NAA35: variants seen among roughly 807,000 people sequenced by gnomAD.
NAA35 encodes MAK10 homolog, amino-acid N-acetyltransferase subunit.
NAA35 carries 18 observed loss-of-function variants against 101.7 expected under a neutral mutation model. That is an observed-to-expected ratio of 0.18 (90% CI 0.12 to 0.26). The LOEUF is 0.26. Ranked by LOEUF, NAA35 falls within the 10% of genes least tolerant of loss-of-function variation. The pLI is 1.00. For synonymous variants in NAA35, 267 were observed against 273.1 expected (o/e 0.98, Z 0.22); for missense variants, 601 against 886.8 (o/e 0.68, Z 4.09).
At chr9:86,020,836 A>G (rs1832504257) in intron 21 of NAA35, 53 bp from the exon 22 acceptor site, 1 of 1,439,750 alleles carries the variant, frequency 6.9e-7, no homozygotes, top group Admixed American at 1.8e-5. Flanking sequence ...AAAGAAAAAG[A>G]GAAATTTTGA....
rs1030915996 is a variant in NAA35 at position 85,957,491 on chromosome 9, C to T, written c.159-981C>T. ...CCTGGGAGAGCAAGAACTCACCTCC[C>T]TGGGAGGGCATTAATCTATTCATGG... is the stretch of plus-strand genomic sequence containing the variant. On this transcript the variant is annotated intron_variant, in intron 3 of 22. Transcript: ENST00000361671. Among the ~76,000 whole-genome samples, 7 of 152,132 alleles carry T rather than the reference C, an allele frequency of 4.6e-5. 1 individual carries two copies. Among genetic ancestry groups the T allele is most frequent in the Non-Finnish European group, 1.0e-4 (7 of 68,018 alleles).
intron 6 of NAA35, among the ~76,000 whole-genome samples, chr9:85,969,130 C>G (rs1829889000): frequency 6.6e-6 from 1 of 152,006 alleles, no homozygotes; most frequent in Non-Finnish European, 1.5e-5. Context: ...GTTCTCTGTT[C>G]TCCAGGAATT....
Position 85,976,755 on chromosome 9 carries a change from G to A in NAA35, c.678+20G>A, listed in dbSNP as rs1189800842. Reference sequence around the variant, plus strand: ...CTAGAAGTAATTGAACTTATTTTCTGGTAGATAATATCAGAGAAGTCTACC... The same window carrying A: ...CTAGAAGTAATTGAACTTATTTTCTAGTAGATAATATCAGAGAAGTCTACC... On this transcript the variant is annotated intron_variant, in intron 9 of 22. Transcript: ENST00000361671. The A allele has an allele frequency of 4.5e-6, 7 of 1,553,922 alleles. No homozygotes were observed. Among genetic ancestry groups the A allele is most frequent in the Non-Finnish European group, 6.1e-6 (7 of 1,140,468 alleles).
Position 86,009,886 on chromosome 9 carries a change from C to G in NAA35, c.1245C>G (p.His415Gln). Residue 415 changes from histidine to glutamine, a missense_variant, in exon 15 of 23, where the codon CAC (histidine) becomes CAG (glutamine). His to Gln is a conservative substitution (Grantham distance 24). Transcript: ENST00000361671. ...LSPKCYLYNN[H>Q]QAKDCIDSFV... ...GCAGGTGCTACCTATATAATAATCA[C>G]CAGGCTAAGGACTGTATCGACTCCT... 6 of 1,613,012 alleles carry G rather than the reference C, an allele frequency of 3.7e-6. No individual in the cohort carries two copies. The highest frequency in any genetic ancestry group is 5.1e-6 in the Non-Finnish European group (6 of 1,179,240).
Position 85,943,891 on chromosome 9 carries a change from G to A in NAA35, c.124+1608G>A, listed in dbSNP as rs1300165638. Among the ~76,000 whole-genome samples, 5 of 152,316 alleles carry A rather than the reference G, an allele frequency of 3.3e-5. No individual in the cohort carries two copies. The East Asian group carries it at 7.7e-4, about 23-fold the overall frequency. ...TGAACTATGTGAGTCAGAGTTTGGTGAGGTTTTTATGTTAGGGGAACAGTA... is the reference window on the plus strand; with the variant it reads ...TGAACTATGTGAGTCAGAGTTTGGTAAGGTTTTTATGTTAGGGGAACAGTA... On this transcript the variant is annotated intron_variant, in intron 2 of 22. Coordinates refer to ENST00000361671, the MANE Select transcript of NAA35 (RefSeq NM_024635.4).
At chr9:86,006,292 TCA>T in intron 13 of NAA35, among the ~76,000 whole-genome samples, 1 of 152,320 alleles carries the variant, frequency 6.6e-6, no homozygotes, top group South Asian at 2.1e-4. Flanking sequence ...AACATGCAGC[TCA>T]CACTCCTAGT....
intron 2 of NAA35, among the ~76,000 whole-genome samples, chr9:85,944,208 C>G (rs2118239846): frequency 6.6e-6 from 1 of 152,286 alleles, no homozygotes; most frequent in South Asian, 2.1e-4. Flanking sequence ...TTTAATTAAT[C>G]TGAATCTTAG....
At chr9:86,014,416 A>G (rs1832103088) in intron 17 of NAA35, 6 of 948,558 alleles carry the variant, frequency 6.3e-6, no homozygotes, top group Non-Finnish European at 7.5e-6. Context: ...AAACCTAGTA[A>G]GAGGATGTTT....
chr9:85,974,145 G>T (rs1008390729), intron 6 of NAA35, among the ~76,000 whole-genome samples: 2 of 151,970 alleles, frequency 1.3e-5, no homozygotes, highest in Admixed American at 6.6e-5. Context: ...TTTTAGTATA[G>T]ACGGGGTTTC....
At chr9:86,004,536 A>T (rs992696400) in intron 13 of NAA35, among the ~76,000 whole-genome samples, 4 of 152,222 alleles carry the variant, frequency 2.6e-5, no homozygotes, top group African/African-American at 7.2e-5. Flanking sequence ...CCAGAAAAAG[A>T]AGAGCATATT....
chr9:86,005,165 C>T (rs1469297664), intron 13 of NAA35, among the ~76,000 whole-genome samples: 3 of 152,026 alleles, frequency 2.0e-5, no homozygotes, highest in Non-Finnish European at 2.9e-5. Context: ...TACACCATGA[C>T]CAAATAAGAT....
intron 15 of NAA35, among the ~76,000 whole-genome samples, chr9:86,010,728 C>T (rs983158830): frequency 6.6e-6 from 1 of 151,268 alleles, no homozygotes; most frequent in Non-Finnish European, 1.5e-5. Flanking sequence ...GCGCCGCCAT[C>T]ATGCCTGGCT....
At chr9:85,950,659 G>C (rs946718765) in intron 2 of NAA35, among the ~76,000 whole-genome samples, 2 of 152,102 alleles carry the variant, frequency 1.3e-5, no homozygotes, top group Admixed American at 1.3e-4. Context: ...GTGTTTTTAA[G>C]TTTGATGAAG....
rs1832592061 is a variant in NAA35 at position 86,022,178 on chromosome 9, T to C, written c.*218T>C. ...TGTTCCATGGAAGAAACTGGTCTTATTGAATGCATTGATGAACGTTATATG... is the reference window on the plus strand; with the variant it reads ...TGTTCCATGGAAGAAACTGGTCTTACTGAATGCATTGATGAACGTTATATG... On this transcript the variant is annotated 3_prime_UTR_variant, in exon 23 of 23. Transcript: ENST00000361671. The C allele has an allele frequency of 4.7e-6, 2 of 422,022 alleles. No individual in the cohort carries two copies. Among genetic ancestry groups the C allele is most frequent in the South Asian group, 5.5e-5 (1 of 18,308 alleles). 26.1% of individuals were successfully genotyped at this position (422,022 alleles called of 1,614,324 possible).
chr9:85,946,192 C>T (rs1828755900), intron 2 of NAA35, among the ~76,000 whole-genome samples: 1 of 151,866 alleles, frequency 6.6e-6, no homozygotes, highest in East Asian at 1.9e-4. Context: ...GGCTGAAGTG[C>T]ATACAATGCC....
intron 13 of NAA35, among the ~76,000 whole-genome samples, chr9:86,007,033 T>A (rs1307105166): frequency 6.6e-6 from 1 of 152,228 alleles, no homozygotes; most frequent in Non-Finnish European, 1.5e-5. Flanking sequence ...GTATAGCCAT[T>A]TACTATTTCA....
chr9:86,023,804 A>G lies in NAA35; in HGVS notation c.*1844A>G, dbSNP rs1055559018. Among the ~76,000 whole-genome samples the G allele has an allele frequency of 6.6e-5, 10 of 152,240 alleles. No individual in the cohort carries two copies. The highest frequency in any genetic ancestry group is 1.0e-4 in the Non-Finnish European group (7 of 68,048). On this transcript the variant is annotated 3_prime_UTR_variant, in exon 23 of 23. Transcript: ENST00000361671. ...TGATTAGTGTTAGATTTATCAGTGT[A>G]TGTTACTGACAGAATCATGTGGTTT...
Position 85,996,469 on chromosome 9 carries a change from T to C in NAA35, c.948T>C (p.Tyr316=), listed in dbSNP as rs774843999. 2 of 1,610,598 alleles carry C rather than the reference T, an allele frequency of 1.2e-6. No individual in the cohort carries two copies. Among genetic ancestry groups the C allele is most frequent in the East Asian group, 2.2e-5 (1 of 44,654 alleles). The change falls in exon 12 of 23, where the codon TAT becomes TAC. Residue 316 remains tyrosine, a synonymous_variant. Transcript: ENST00000361671. The part of the protein sequence containing the change: ...QRLLPPTFPR[Y]AKIIKREEMV... The stretch of plus-strand genomic sequence containing the variant: ...TACTTCCACCTACCTTCCCTCGATA[T>C]GCAAAAATAATTAAAAGGGAAGAAA...
In NAA35 at chr9:86,023,295, G is replaced by C. The variant is rs2118554209; in HGVS notation, c.*1335G>C. Among the ~76,000 whole-genome samples the C allele has an allele frequency of 6.6e-6, 1 of 152,264 alleles. No individual in the cohort carries two copies. ...ACAATAGAAACTTCAATTATGGAGA[G>C]ACAAAGAGTATACCTGTTACTGATG... On this transcript the variant is annotated 3_prime_UTR_variant, in exon 23 of 23. Coordinates refer to ENST00000361671, the MANE Select transcript of NAA35 (RefSeq NM_024635.4).
Sources: gnomAD v4.1 joint callset for allele counts (sites outside exome capture counted in the v4.1 genomes callset) on GRCh38, gnomAD v4.1.1 for gene constraint, MANE v1.5 for transcripts, NCBI Gene and HGNC (gene_info 2026-07-23, HGNC 2026-07-21) for gene names.